UBP1: variants seen among roughly 807,000 people sequenced by gnomAD.
UBP1 encodes the protein upstream-binding protein 1.
In UBP1, 22 loss-of-function variants were observed where a neutral mutation model predicts 76.1. The observed-to-expected ratio is 0.29, with a 90% CI of 0.21 to 0.41. The LOEUF is 0.41. Ranked by LOEUF, UBP1 falls within the 10% of genes least tolerant of loss-of-function variation. The pLI is 1.00. For synonymous variants in UBP1, 224 were observed against 237.1 expected, an observed-to-expected ratio of 0.94 and a Z score of 0.51; for missense variants, 436 against 668.1, an observed-to-expected ratio of 0.65 and a Z score of 3.83.
intron 8 of UBP1, among the ~76,000 whole-genome samples, chr3:33,403,941 C>T (rs981911417): frequency 6.6e-6 from 1 of 152,136 alleles, no homozygotes; most frequent in Admixed American, 6.5e-5. Context: ...CTAACTATAG[C>T]CCTGGGGTTT....
intron 1 of UBP1, among the ~76,000 whole-genome samples, chr3:33,427,660 C>A (rs1230472751): frequency 6.6e-6 from 1 of 152,122 alleles, no homozygotes; most frequent in African/African-American, 2.4e-5. Context: ...GTCCCTACTC[C>A]CCCCATGCAT....
At chr3:33,400,837 G>T in intron 10 of UBP1, 125 bp downstream of exon 10, 3 of 900,146 alleles carry the variant, frequency 3.3e-6, no homozygotes, top group Non-Finnish European at 3.4e-6. Flanking sequence ...ATCCTGACTC[G>T]ATTACCACAC....
chr3:33,423,751 T>G (rs1292582465), intron 2 of UBP1, among the ~76,000 whole-genome samples: 1 of 152,240 alleles, frequency 6.6e-6, no homozygotes, highest in African/African-American at 2.4e-5. Flanking sequence ...AAGTTTAATC[T>G]ATAAATGAAT....
chr3:33,418,860 CAAAAAAAAAA>C (rs59774815), intron 2 of UBP1, among the ~76,000 whole-genome samples: 10 of 76,768 alleles, frequency 1.3e-4, no homozygotes, highest in South Asian at 4.7e-4. Context: ...ACTCTGTCTC[CAAAAAAAAAA>C]AAAAAAAAAA....
intron 13 of UBP1, among the ~76,000 whole-genome samples, chr3:33,395,564 A>G (rs2043944588): frequency 1.3e-5 from 2 of 152,040 alleles, no homozygotes; most frequent in African/African-American, 2.4e-5. Context: ...CCCTCCCAAG[A>G]TAACGTACTG....
At position 33,390,201 on chromosome 3, in the gene UBP1, G is replaced by A. The variant is rs2043701496; in HGVS notation, c.*130C>T. On this transcript the variant is annotated 3_prime_UTR_variant, in exon 16 of 16. Coordinates refer to ENST00000283629, the MANE Select transcript of UBP1 (RefSeq NM_014517.5). ...ACCTCTCATACAGCTCATTAGAAAGGTCATCTTGTGTTTTCAATATGAAAC... is the reference window on the plus strand; with the variant it reads ...ACCTCTCATACAGCTCATTAGAAAGATCATCTTGTGTTTTCAATATGAAAC... The A allele has an allele frequency of 8.9e-6, 8 of 893,944 alleles. No homozygotes were observed. The highest frequency in any genetic ancestry group is 1.4e-5 in the Non-Finnish European group (8 of 576,960). The allele number at this position is 893,944 out of a possible 1,614,324, so 55.4% of individuals were successfully genotyped here. A position where few individuals can be genotyped will look rare whatever the true frequency, so the allele number is the denominator to read the frequency against.
At chr3:33,396,960 T>C in intron 12 of UBP1, 85 bp downstream of exon 12, 3 of 1,249,846 alleles carry the variant, frequency 2.4e-6, no homozygotes, top group Non-Finnish European at 3.5e-6. Context: ...CACGCCAACC[T>C]AGCGTGGAAA....
chr3:33,439,857 CTCGCCG>C lies in UBP1; in HGVS notation c.-15_-10del. ...TTGAGCACCCAGGCCATCTTCCGGCCTCGCCGTCGCCCCGCACACCGCGGCCTCCGC... is the reference window on the plus strand; with the variant it reads ...TTGAGCACCCAGGCCATCTTCCGGCCTCGCCCCGCACACCGCGGCCTCCGC... On this transcript the variant is annotated 5_prime_UTR_variant, in exon 1 of 16. Coordinates refer to ENST00000283629, the MANE Select transcript of UBP1 (RefSeq NM_014517.5). The C allele has an allele frequency of 6.2e-7, 1 of 1,610,962 alleles. No individual in the cohort carries two copies. The highest frequency in any genetic ancestry group is 8.5e-7 in the Non-Finnish European group (1 of 1,179,142).
intron 1 of UBP1, among the ~76,000 whole-genome samples, chr3:33,433,234 T>G (rs1195959279): frequency 6.6e-6 from 1 of 150,968 alleles, no homozygotes; most frequent in Non-Finnish European, 1.5e-5. Flanking sequence ...CTGATTTTTG[T>G]ATTCTTAGTA....
At chr3:33,395,750 G>GAAAAAAAAA (rs61654235) in intron 13 of UBP1, among the ~76,000 whole-genome samples, 125 of 69,688 alleles carry the variant, frequency 1.8e-3, no homozygotes, top group African/African-American at 3.9e-3. Context: ...CAGGAAAATT[G>GAAAAAAAAA]AAAAAAAAAA....
intron 1 of UBP1, among the ~76,000 whole-genome samples, chr3:33,428,287 T>A (rs557584077): frequency 1.3e-5 from 2 of 151,932 alleles, no homozygotes; most frequent in Non-Finnish European, 2.9e-5. Context: ...GCATTTTGTG[T>A]ATATGTAAGC....
At chr3:33,401,409 C>T (rs1351697560) in intron 9 of UBP1, among the ~76,000 whole-genome samples, 1 of 152,154 alleles carries the variant, frequency 6.6e-6, no homozygotes, top group Non-Finnish European at 1.5e-5. Flanking sequence ...AAAAAATGAG[C>T]TACAAGAAAT....
chr3:33,434,682 C>CTT (rs10709462), intron 1 of UBP1, among the ~76,000 whole-genome samples: 1,402 of 87,694 alleles, frequency 0.016, 26 homozygotes, highest in Non-Finnish European at 0.021. Flanking sequence ...AATGGTTTTA[C>CTT]TTTTTTTTTT....
At chr3:33,420,812 G>A (rs2044871007) in intron 2 of UBP1, among the ~76,000 whole-genome samples, 2 of 151,980 alleles carry the variant, frequency 1.3e-5, no homozygotes, top group African/African-American at 4.8e-5. Context: ...TAGTAGAGAT[G>A]GGGTTTCACC....
At chr3:33,402,061 G>C (rs2044250897) in intron 9 of UBP1, among the ~76,000 whole-genome samples, 1 of 152,158 alleles carries the variant, frequency 6.6e-6, no homozygotes, top group East Asian at 1.9e-4. Context: ...AGCATGACCG[G>C]AGAACCTTTT....
At chr3:33,409,213 A>T in intron 7 of UBP1, 23 bp downstream of exon 7, 3 of 1,610,362 alleles carry the variant, frequency 1.9e-6, no homozygotes, top group Non-Finnish European at 1.7e-6. Context: ...TCTCTTCCAA[A>T]ACCAAATGCT....
In UBP1 at chr3:33,390,221, T is replaced by C; in HGVS notation, c.*110A>G. ...GAAAGGTCATCTTGTGTTTTCAATA[T>C]GAAACATTTCATATGGTAAAATCCA... On this transcript the variant is annotated 3_prime_UTR_variant, in exon 16 of 16. Coordinates refer to ENST00000283629, the MANE Select transcript of UBP1 (RefSeq NM_014517.5). 1 of 1,125,076 alleles carries C rather than the reference T, an allele frequency of 8.9e-7. No individual in the cohort carries two copies. The highest frequency in any genetic ancestry group is 1.3e-6 in the Non-Finnish European group (1 of 769,270). The allele number at this position is 1,125,076 out of a possible 1,614,324, so 69.7% of individuals were successfully genotyped here.
At chr3:33,409,396 T>A (rs1367496975) in intron 6 of UBP1, 50 bp from the exon 7 acceptor site, 1 of 1,613,820 alleles carries the variant, frequency 6.2e-7, no homozygotes, top group East Asian at 2.2e-5. Context: ...GACACACAGC[T>A]TTACAGGCAA....
At chr3:33,412,608 C>A in intron 4 of UBP1, 114 bp downstream of exon 4, 2 of 705,758 alleles carry the variant, frequency 2.8e-6, no homozygotes, top group Non-Finnish European at 2.4e-6. Flanking sequence ...GACACAAAAT[C>A]CACAAACACC....
Sources: allele counts gnomAD v4.1 joint callset (sites outside exome capture counted in the v4.1 genomes callset), GRCh38; gene constraint gnomAD v4.1.1; transcripts MANE v1.5; gene names NCBI Gene and HGNC (gene_info 2026-07-23, HGNC 2026-07-21).